Variants in FARS2 observed in about 807,000 individuals in gnomAD.
FARS2 encodes the protein phenylalanyl-tRNA synthetase 2, mitochondrial.
Under a neutral mutation model 46.4 loss-of-function variants are expected in FARS2, and 40 were observed. The ratio of observed to expected loss-of-function variants is 0.86; its 90% confidence interval spans 0.67 to 1.12. The LOEUF is 1.12. FARS2 is among the 50% of genes most tolerant of loss of function. The probability of loss-of-function intolerance (pLI) is 0.00; values close to 1 mark genes in which losing one functional copy is unlikely to be tolerated. For missense variants in FARS2, 513 were observed against 567.9 expected (o/e 0.90, Z 0.98); for synonymous variants, 234 against 214.9 (o/e 1.09, Z -0.78).
chr6:5,473,621 T>C (rs1179325332), intron 4 of FARS2, among the ~76,000 whole-genome samples: 1 of 152,126 alleles, frequency 6.6e-6, no homozygotes, highest in East Asian at 1.9e-4. Flanking sequence ...CATTGAATTA[T>C]ATTTACATAC....
chr6:5,668,779 C>CA (rs1778287761), intron 6 of FARS2, among the ~76,000 whole-genome samples: 1 of 143,918 alleles, frequency 6.9e-6, no homozygotes, highest in Non-Finnish European at 1.5e-5. Context: ...CTGCAACCTT[C>CA]GCCTTCTGTG....
At chr6:5,519,101 T>C (rs1408958885) in intron 4 of FARS2, among the ~76,000 whole-genome samples, 1 of 152,176 alleles carries the variant, frequency 6.6e-6, no homozygotes, top group Non-Finnish European at 1.5e-5. Context: ...TGCAAAATTG[T>C]GGTTGGAAAA....
At chr6:5,254,659 C>T in the FARS2 span, among the ~76,000 whole-genome samples, 4 of 152,116 alleles carry the variant, frequency 2.6e-5, no homozygotes, top group Non-Finnish European at 5.9e-5. Context: ...GCTTATCTCC[C>T]GCTTAACCCA....
At chr6:5,302,946 C>T (rs936785680) in intron 1 of FARS2, among the ~76,000 whole-genome samples, 5 of 152,064 alleles carry the variant, frequency 3.3e-5, no homozygotes, top group South Asian at 2.1e-4. Context: ...TGCTGAGGAA[C>T]GAGAGTAAAT....
At chr6:5,302,267 T>G (rs1337176176) in intron 1 of FARS2, among the ~76,000 whole-genome samples, 1 of 152,214 alleles carries the variant, frequency 6.6e-6, no homozygotes, top group Non-Finnish European at 1.5e-5. Context: ...GATTCAGATT[T>G]TATTTCAGTA....
intron 4 of FARS2, among the ~76,000 whole-genome samples, chr6:5,460,395 G>A (rs1251425226): frequency 6.6e-6 from 1 of 152,202 alleles, no homozygotes; most frequent in Admixed American, 6.5e-5. Context: ...CAGTTGGAGG[G>A]CCAGAAACCA....
At chr6:5,352,713 G>C (rs1270602199) in intron 1 of FARS2, among the ~76,000 whole-genome samples, 1 of 151,816 alleles carries the variant, frequency 6.6e-6, no homozygotes, top group East Asian at 1.9e-4. Flanking sequence ...CTAGCCTTGA[G>C]AGCTTTCCAT....
intron 2 of FARS2, among the ~76,000 whole-genome samples, chr6:5,389,042 A>G (rs1392910375): frequency 6.6e-6 from 1 of 152,110 alleles, no homozygotes; most frequent in Non-Finnish European, 1.5e-5. Flanking sequence ...ACAGATGTCA[A>G]AGAATCTCTT....
In FARS2 at chr6:5,368,849, G is replaced by A. The variant is rs1279728632; in HGVS notation, c.279G>A (p.Val93=). Reference sequence around the variant, plus strand: ...CTCTGTGGCTGATCAAGGAGAGGGTGAAGGAGCACTTCTACAAGCAGTATG... The same window carrying A: ...CTCTGTGGCTGATCAAGGAGAGGGTAAAGGAGCACTTCTACAAGCAGTATG... The part of the protein sequence containing the change: ...HHPLWLIKER[V]KEHFYKQYVG... The change falls in exon 2 of 7, where the codon GTG becomes GTA. Residue 93 remains valine (V), a synonymous_variant. Transcript: ENST00000274680. The A allele has an allele frequency of 6.2e-7, 1 of 1,614,184 alleles. No individual in the cohort carries two copies. Among genetic ancestry groups the A allele is most frequent in the East Asian group, 2.2e-5 (1 of 44,872 alleles).
At position 5,718,674 on chromosome 6, in the gene FARS2, C is replaced by T. The variant is rs369759672; in HGVS notation, c.1218-52617C>T. 8.5e-5 allele frequency among the ~76,000 whole-genome samples: 13 copies of T among 152,234 alleles called. No individual in the cohort carries two copies. In the South Asian group the frequency reaches 1.2e-3, roughly 15 times the overall value. On this transcript the variant is annotated intron_variant, in intron 6 of 6. Transcript: ENST00000274680. ...GCCAGAAAATATGTGGCCCTTTTCC[C>T]TCCCAATTTGCAGCTTCAGTTCTCC...
chr6:5,369,929 C>A (rs1299339769), intron 2 of FARS2, among the ~76,000 whole-genome samples: 1 of 149,716 alleles, frequency 6.7e-6, no homozygotes, highest in East Asian at 2.0e-4. Context: ...GATTCCATTT[C>A]CTAAAAACTT....
chr6:5,491,299 T>G (rs183317731), intron 4 of FARS2, among the ~76,000 whole-genome samples: 116 of 152,318 alleles, frequency 7.6e-4, no homozygotes, highest in Middle Eastern at 6.8e-3. Flanking sequence ...CATTTTGTGT[T>G]TTCTTCCCTG....
chr6:5,755,678 G>A lies in FARS2; in HGVS notation c.1218-15613G>A, dbSNP rs528280196. On this transcript the variant is annotated intron_variant, in intron 6 of 6. Coordinates refer to ENST00000274680, the MANE Select transcript of FARS2 (RefSeq NM_006567.5). ...GTCTTTTATGTTTAGTATATAATGG[G>A]TTATTTCTTCATGTGTTCTGTAATT... Among the ~76,000 whole-genome samples the A allele has an allele frequency of 7.2e-5, 11 of 152,166 alleles. No individual in the cohort carries two copies. The East Asian group carries it at 1.9e-3, about 27-fold the overall frequency.
chr6:5,487,203 G>A (rs1274161753), intron 4 of FARS2, among the ~76,000 whole-genome samples: 1 of 152,108 alleles, frequency 6.6e-6, no homozygotes, highest in Non-Finnish European at 1.5e-5. Flanking sequence ...CTGGACCTCC[G>A]GGTTCATCAC....
intron 6 of FARS2, among the ~76,000 whole-genome samples, chr6:5,618,017 G>C (rs1775563728): frequency 6.6e-6 from 1 of 152,166 alleles, no homozygotes; most frequent in South Asian, 2.1e-4. Flanking sequence ...TTTTGACGTT[G>C]TGGGTCATAA....
chr6:5,674,191 A>AT (rs77397676), intron 6 of FARS2, among the ~76,000 whole-genome samples: 23 of 52,802 alleles, frequency 4.4e-4, no homozygotes, highest in African/African-American at 1.1e-3. Flanking sequence ...GTGCATTCTC[A>AT]TTAAAAAAAA....
chr6:5,661,200 A>G (rs1187625840), intron 6 of FARS2, among the ~76,000 whole-genome samples: 2 of 152,224 alleles, frequency 1.3e-5, no homozygotes, highest in East Asian at 3.8e-4. Context: ...TGATTATGGA[A>G]CCAGATGGAT....
rs1167684566 is a variant in FARS2 at position 5,545,287 on chromosome 6, C to A, written c.1012C>A (p.Arg338Ser). ...CCGTCTCTTCTGGTGTGAGGACGAG[C>A]GCTTCCTGAAGCAGTTCTGTGTATC... ...DIRLFWCEDE[R>S]FLKQFCVSNI... Residue 338 changes from arginine to serine, a missense_variant, in exon 5 of 7, where the codon CGC (arginine) becomes AGC (serine). Physicochemically the swap from Arg to Ser is moderately radical, Grantham distance 110. Coordinates refer to ENST00000274680, the MANE Select transcript of FARS2 (RefSeq NM_006567.5). 6 of 1,613,930 alleles carry A rather than the reference C, an allele frequency of 3.7e-6. No individual in the cohort carries two copies. The highest frequency in any genetic ancestry group is 2.7e-5 in the African/African-American group (2 of 74,910).
At position 5,366,504 on chromosome 6, in the gene FARS2, G is replaced by A. The variant is rs528592125; in HGVS notation, c.-21-2046G>A. On this transcript the variant is annotated intron_variant, in intron 1 of 6. Coordinates refer to ENST00000274680, the MANE Select transcript of FARS2 (RefSeq NM_006567.5). Reference sequence around the variant, plus strand: ...ACTTTTCTGTGTGGGGTGAATGACAGTGGAGAATGTAAGCAGGGCTGAGCA... The same window carrying A: ...ACTTTTCTGTGTGGGGTGAATGACAATGGAGAATGTAAGCAGGGCTGAGCA... Among the ~76,000 whole-genome samples the A allele has an allele frequency of 2.0e-5, 3 of 152,302 alleles. No individual in the cohort carries two copies. In the East Asian group the frequency reaches 5.8e-4, roughly 29 times the overall value.
Sources: allele counts gnomAD v4.1 joint callset (sites outside exome capture counted in the v4.1 genomes callset), GRCh38; gene constraint gnomAD v4.1.1; transcripts MANE v1.5; gene names NCBI Gene and HGNC (gene_info 2026-07-23, HGNC 2026-07-21).